Variants in CELF4 observed in about 807,000 individuals in gnomAD.
CELF4 encodes CUGBP Elav-like family member 4.
In CELF4, 18 loss-of-function variants were observed where a neutral mutation model predicts 59.9. The observed-to-expected ratio is 0.30, with a 90% CI of 0.21 to 0.45. CELF4 has a LOEUF of 0.45. Ranked by LOEUF, CELF4 falls within the 20% of genes least tolerant of loss-of-function variation. CELF4 has a pLI of 1.00. For missense variants in CELF4, 456 were observed against 689.0 expected (o/e 0.66, Z 3.79); for synonymous variants, 261 against 267.1 (o/e 0.98, Z 0.22).
At chr18:37,299,595 G>A (rs1032797487) in intron 3 of CELF4, among the ~76,000 whole-genome samples, 1 of 152,204 alleles carries the variant, frequency 6.6e-6, no homozygotes, top group Non-Finnish European at 1.5e-5. Flanking sequence ...GGGCTCGGCT[G>A]TCTCCTGCGG....
chr18:37,368,550 C>T (rs1222300166), intron 2 of CELF4, among the ~76,000 whole-genome samples: 1 of 152,212 alleles, frequency 6.6e-6, no homozygotes, highest in Admixed American at 6.5e-5. Flanking sequence ...CTGACTGAAC[C>T]TCTTCCCAGG....
rs545744739 is a variant in CELF4 at position 37,471,539 on chromosome 18, G to A, written c.369+13986C>T. On this transcript the variant is annotated intron_variant, in intron 2 of 12. Transcript: ENST00000420428. ...CTGTCACCTCACTGGAGTGACATCTGGAGCCCCCTCCATCCACCTAGATCC... is the reference window on the plus strand; with the variant it reads ...CTGTCACCTCACTGGAGTGACATCTAGAGCCCCCTCCATCCACCTAGATCC... Among the ~76,000 whole-genome samples, 14 of 152,160 alleles carry A rather than the reference G, an allele frequency of 9.2e-5. 1 individual carries two copies. Among genetic ancestry groups the A allele is most frequent in the African/African-American group, 3.4e-4 (14 of 41,526 alleles).
chr18:37,495,830 G>A (rs1372676410), intron 1 of CELF4, among the ~76,000 whole-genome samples: 3 of 152,040 alleles, frequency 2.0e-5, no homozygotes, highest in Non-Finnish European at 4.4e-5. Flanking sequence ...CTGCCCTCAT[G>A]ATTTGTGTGC....
At chr18:37,262,325 C>T (rs985141727) in intron 10 of CELF4, among the ~76,000 whole-genome samples, 2 of 152,148 alleles carry the variant, frequency 1.3e-5, no homozygotes, top group African/African-American at 4.8e-5. Flanking sequence ...GCAGATCCTG[C>T]CACCCCAAGG....
At position 37,342,474 on chromosome 18, in the gene CELF4, G is replaced by A. The variant is rs555410661; in HGVS notation, c.370-20593C>T. ...CCTGGTGGGGAAGGGGGCCTGCCTC[G>A]GAGGGTGAGAGGCCTCTGAGAGGCA... is the stretch of plus-strand genomic sequence containing the variant. On this transcript the variant is annotated intron_variant, in intron 2 of 12. Transcript: ENST00000420428. 1.4e-4 allele frequency among the ~76,000 whole-genome samples: 22 copies of A among 152,288 alleles called. No individual in the cohort carries two copies. The South Asian group carries it at 2.1e-3, about 14-fold the overall frequency.
chr18:37,483,911 C>T (rs773701717), intron 2 of CELF4, among the ~76,000 whole-genome samples: 1 of 152,182 alleles, frequency 6.6e-6, no homozygotes, highest in Non-Finnish European at 1.5e-5. Context: ...CATCATTTAG[C>T]TATTCTATTA....
In CELF4 at chr18:37,402,473, G is replaced by A. The variant is rs138374780; in HGVS notation, c.370-80592C>T. ...CCTTCTCTAACCCCTTTGAGCCTGGGTGGACCCCCCTCTTCTTGTCCTTGT... is the reference window on the plus strand; with the variant it reads ...CCTTCTCTAACCCCTTTGAGCCTGGATGGACCCCCCTCTTCTTGTCCTTGT... On this transcript the variant is annotated intron_variant, in intron 2 of 12. Transcript: ENST00000420428. Among the ~76,000 whole-genome samples the A allele has an allele frequency of 2.6e-5, 4 of 152,202 alleles. No individual in the cohort carries two copies. The East Asian group carries it at 7.8e-4, about 29-fold the overall frequency.
intron 1 of CELF4, among the ~76,000 whole-genome samples, chr18:37,532,403 C>T (rs954656139): frequency 6.6e-6 from 1 of 152,086 alleles, no homozygotes; most frequent in Admixed American, 6.5e-5. Context: ...TAACCCTCAC[C>T]CAGGGTTTGT....
At chr18:37,375,775 CT>C (rs1275029418) in intron 2 of CELF4, among the ~76,000 whole-genome samples, 2 of 152,124 alleles carry the variant, frequency 1.3e-5, no homozygotes, top group African/African-American at 4.8e-5. Context: ...CAGCCAACTC[CT>C]TTAGGGCTAC....
chr18:37,273,939 T>C (rs1322065915), intron 6 of CELF4: 3 of 1,072,246 alleles, frequency 2.8e-6, no homozygotes, highest in African/African-American at 1.7e-5. Flanking sequence ...CACCGTTCCA[T>C]GGAGTAGGGG....
At chr18:37,348,294 A>C (rs1402745641) in intron 2 of CELF4, among the ~76,000 whole-genome samples, 1 of 152,138 alleles carries the variant, frequency 6.6e-6, no homozygotes, top group African/African-American at 2.4e-5. Flanking sequence ...ACACGCACAC[A>C]CTAGGCCCCT....
intron 2 of CELF4, among the ~76,000 whole-genome samples, chr18:37,370,028 C>T (rs1336152606): frequency 4.6e-5 from 7 of 152,252 alleles, no homozygotes; most frequent in African/African-American, 1.4e-4. Flanking sequence ...CAGAGCCCAG[C>T]CTAGTCCTCT....
At chr18:37,505,344 C>T (rs1358768504) in intron 1 of CELF4, among the ~76,000 whole-genome samples, 1 of 152,218 alleles carries the variant, frequency 6.6e-6, no homozygotes, top group Non-Finnish European at 1.5e-5. Context: ...TGCATCTCCG[C>T]TTAGATTCCT....
At chr18:37,533,493 C>T (rs371044989) in intron 1 of CELF4, among the ~76,000 whole-genome samples, 2 of 152,254 alleles carry the variant, frequency 1.3e-5, no homozygotes, top group East Asian at 3.9e-4. Context: ...AATTCAGGGG[C>T]TGGCTTAAGA....
chr18:37,498,445 T>C (rs1406635822), intron 1 of CELF4, among the ~76,000 whole-genome samples: 1 of 130,910 alleles, frequency 7.6e-6, no homozygotes, highest in Non-Finnish European at 1.6e-5. Flanking sequence ...TTCCCCTTTC[T>C]TCCCCTCCCC....
intron 2 of CELF4, among the ~76,000 whole-genome samples, chr18:37,396,435 A>G (rs2099246216): frequency 6.6e-6 from 1 of 152,202 alleles, no homozygotes; most frequent in African/African-American, 2.4e-5. Context: ...AAGATGGTAG[A>G]TGGGAATAGG....
intron 2 of CELF4, among the ~76,000 whole-genome samples, chr18:37,392,856 C>G (rs1055130938): frequency 6.6e-6 from 1 of 152,198 alleles, no homozygotes; most frequent in Non-Finnish European, 1.5e-5. Flanking sequence ...CCCTTTCCCC[C>G]GTCATCTGCT....
In CELF4 at chr18:37,513,941, CGTGTGTGTGTGT is replaced by C. The variant is rs5824070; in HGVS notation, c.287-28346_287-28335del. Among the ~76,000 whole-genome samples the C allele has an allele frequency of 4.4e-3, 638 of 144,318 alleles. 1 individual carries two copies. The highest frequency in any genetic ancestry group is 0.014 in the South Asian group (61 of 4,210). The allele number at this position is 144,318 out of a possible 152,430, so 94.7% of individuals were successfully genotyped here. On this transcript the variant is annotated intron_variant, in intron 1 of 12. Transcript: ENST00000420428. The stretch of plus-strand genomic sequence containing the variant: ...GTCCCTCTTCCCTTCTGTGTGGTGC[CGTGTGTGTGTGT>C]GTGTGTGTGTGTGTGTGTGTGTGTG...
In CELF4 at chr18:37,273,785, C is replaced by T. The variant is rs537986830; in HGVS notation, c.801+526G>A. ...GTGGTTACCAGTCTGCAGGCAGCTC[C>T]GGGAGAGGCTGACAGAGTGGGCCCC... is the stretch of plus-strand genomic sequence containing the variant. On this transcript the variant is annotated intron_variant, in intron 6 of 12. Transcript: ENST00000420428. The T allele has an allele frequency of 8.7e-4, 864 of 988,918 alleles. 1 individual carries two copies. Among genetic ancestry groups the T allele is most frequent in the Non-Finnish European group, 9.6e-4 (800 of 832,648 alleles). The allele number at this position is 988,918 out of a possible 1,614,324, so 61.3% of individuals were successfully genotyped here. A position where few individuals can be genotyped will look rare whatever the true frequency, so the allele number is the denominator to read the frequency against.
Sources: allele counts gnomAD v4.1 joint callset (sites outside exome capture counted in the v4.1 genomes callset), GRCh38; gene constraint gnomAD v4.1.1; transcripts MANE v1.5; gene names NCBI Gene and HGNC (gene_info 2026-07-23, HGNC 2026-07-21).